Variants in RORA observed in about 807,000 individuals in gnomAD.
RORA encodes the protein RAR related orphan receptor A.
RORA carries 7 observed loss-of-function variants against 69.5 expected under a neutral mutation model. That is an observed-to-expected ratio of 0.10 (90% CI 0.06 to 0.19). The LOEUF (loss-of-function observed/expected upper bound fraction) is 0.19. Among genes scored for constraint, RORA ranks in the 10% least tolerant of loss-of-function variants. The pLI is 1.00. For synonymous variants in RORA, 261 were observed against 240.8 expected (o/e 1.08, Z -0.78); for missense variants, 457 against 663.0 (o/e 0.69, Z 3.41).
At chr15:60,993,753 TC>T (rs1214775566) in intron 1 of RORA, among the ~76,000 whole-genome samples, 1 of 152,056 alleles carries the variant, frequency 6.6e-6, no homozygotes, top group Non-Finnish European at 1.5e-5. Context: ...AACTCCTTTT[TC>T]TAAGGAACCT....
At chr15:60,669,836 C>T (rs939756056) in intron 2 of RORA, among the ~76,000 whole-genome samples, 1 of 152,172 alleles carries the variant, frequency 6.6e-6, no homozygotes, top group African/African-American at 2.4e-5. Context: ...GCAATTCTTT[C>T]ATTACTGAAA....
intron 1 of RORA, among the ~76,000 whole-genome samples, chr15:60,939,670 T>A (rs1257295507): frequency 2.6e-5 from 4 of 152,226 alleles, no homozygotes; most frequent in Non-Finnish European, 5.9e-5. Flanking sequence ...TTATGGTGAA[T>A]TATAACAGGG....
intron 1 of RORA, among the ~76,000 whole-genome samples, chr15:61,194,885 T>C (rs945679585): frequency 2.0e-5 from 3 of 151,938 alleles, no homozygotes; most frequent in Admixed American, 6.6e-5. Flanking sequence ...CCTTGTAATA[T>C]AGAGATAATT....
chr15:60,798,785 C>T (rs1304708552), intron 1 of RORA, among the ~76,000 whole-genome samples: 1 of 152,144 alleles, frequency 6.6e-6, no homozygotes, highest in East Asian at 1.9e-4. Flanking sequence ...GTTACTTCCC[C>T]TCTCTGACCC....
At chr15:60,685,913 C>T (rs1353336697) in intron 1 of RORA, among the ~76,000 whole-genome samples, 2 of 151,972 alleles carry the variant, frequency 1.3e-5, no homozygotes, top group African/African-American at 2.4e-5. Context: ...CTTTTATGTT[C>T]GATTTGAGCC....
intron 2 of RORA, among the ~76,000 whole-genome samples, chr15:60,635,455 CAATT>C (rs2069818062): frequency 6.6e-6 from 1 of 152,118 alleles, no homozygotes; most frequent in South Asian, 2.1e-4. Context: ...AAAATAGCCA[CAATT>C]AATTATGTAA....
At chr15:60,774,717 A>G (rs1318453619) in intron 1 of RORA, among the ~76,000 whole-genome samples, 1 of 152,174 alleles carries the variant, frequency 6.6e-6, no homozygotes, top group Non-Finnish European at 1.5e-5. Context: ...TTCTGAATGG[A>G]CAGAAGTCAT....
At chr15:60,770,523 T>C (rs939382770) in intron 1 of RORA, among the ~76,000 whole-genome samples, 4 of 152,236 alleles carry the variant, frequency 2.6e-5, no homozygotes, top group African/African-American at 9.6e-5. Context: ...GAGTTTCAGC[T>C]ACAGGGAACC....
chr15:61,085,141 G>A (rs1446586681), intron 1 of RORA, among the ~76,000 whole-genome samples: 1 of 152,174 alleles, frequency 6.6e-6, no homozygotes, highest in Non-Finnish European at 1.5e-5. Flanking sequence ...AACAGAGAGA[G>A]AGGTTGCCCA....
intron 1 of RORA, among the ~76,000 whole-genome samples, chr15:61,017,051 G>A (rs532733338): frequency 6.6e-6 from 1 of 152,078 alleles, no homozygotes; most frequent in Non-Finnish European, 1.5e-5. Context: ...TACCATTACA[G>A]TTAAAATTAT....
intron 1 of RORA, among the ~76,000 whole-genome samples, chr15:61,217,887 A>C (rs1256695326): frequency 6.6e-6 from 1 of 152,142 alleles, no homozygotes. Context: ...AATAATAAGT[A>C]TTTACATTAT....
chr15:60,569,566 G>A (rs1347927617), intron 2 of RORA, among the ~76,000 whole-genome samples: 2 of 152,148 alleles, frequency 1.3e-5, no homozygotes, highest in South Asian at 2.1e-4. Flanking sequence ...ATAAAGGGGC[G>A]GAAGGGTGGT....
At chr15:60,697,389 C>T (rs1477715042) in intron 1 of RORA, among the ~76,000 whole-genome samples, 1 of 152,174 alleles carries the variant, frequency 6.6e-6, no homozygotes, top group Non-Finnish European at 1.5e-5. Context: ...CACACTGCCG[C>T]TCAAGTGAAG....
intron 1 of RORA, among the ~76,000 whole-genome samples, chr15:60,787,076 G>C (rs779460624): frequency 6.6e-6 from 1 of 152,248 alleles, no homozygotes. Flanking sequence ...ATGAGAAACA[G>C]AGAGGTTAAT....
intron 1 of RORA, among the ~76,000 whole-genome samples, chr15:61,084,908 T>C (rs1433961893): frequency 6.6e-6 from 1 of 151,718 alleles, no homozygotes; most frequent in African/African-American, 2.4e-5. Flanking sequence ...AGTGTGTGTG[T>C]ATTTGTGTGT....
At chr15:60,631,772 G>A (rs1051390690) in intron 2 of RORA, among the ~76,000 whole-genome samples, 2 of 152,166 alleles carry the variant, frequency 1.3e-5, no homozygotes, top group South Asian at 4.1e-4. Context: ...CTTCTCACCC[G>A]CGAACTTTCA....
intron 1 of RORA, among the ~76,000 whole-genome samples, chr15:61,008,367 T>A (rs1523530): frequency 0.14 from 20,610 of 151,996 alleles, 1,569 homozygotes; most frequent in East Asian, 0.28. Flanking sequence ...ATATTTGATT[T>A]AGCTCTCTAA....
At chr15:60,958,783 GGAATGTGTC>G (rs1893339463) in intron 1 of RORA, among the ~76,000 whole-genome samples, 1 of 152,156 alleles carries the variant, frequency 6.6e-6, no homozygotes, top group Non-Finnish European at 1.5e-5. Context: ...AAGTACATTT[GGAATGTGTC>G]CTGTGGGAAG....
chr15:60,600,463 G>T (rs548807270), intron 2 of RORA, among the ~76,000 whole-genome samples: 122 of 152,238 alleles, frequency 8.0e-4, no homozygotes, highest in South Asian at 3.3e-3. Context: ...TTATAGGATG[G>T]GATTCATCTG....
Sources: gnomAD v4.1 joint callset for allele counts (sites outside exome capture counted in the v4.1 genomes callset) on GRCh38, gnomAD v4.1.1 for gene constraint, MANE v1.5 for transcripts, NCBI Gene and HGNC (gene_info 2026-07-23, HGNC 2026-07-21) for gene names.